NLRC4: variants seen among roughly 807,000 people sequenced by gnomAD.
The protein encoded by NLRC4 is NLR family CARD domain-containing protein 4.
A neutral mutation model predicts 79.9 loss-of-function variants in NLRC4; 63 were observed. The ratio of observed to expected loss-of-function variants is 0.79; its 90% CI spans 0.64 to 0.97. The LOEUF is 0.97. NLRC4 is among the 50% of genes least tolerant of loss of function. The pLI is 0.00. For missense variants in NLRC4, 1,074 were observed against 1,215.2 expected, an observed-to-expected ratio of 0.88 and a Z score of 1.73; for synonymous variants, 461 against 456.5, an observed-to-expected ratio of 1.01 and a Z score of -0.12.
chr2:32,255,573 A>C (rs940214744), intron 2 of NLRC4, among the ~76,000 whole-genome samples: 3 of 151,170 alleles, frequency 2.0e-5, no homozygotes, highest in Admixed American at 6.6e-5. Flanking sequence ...TTAGAGACCC[A>C]CACACACACA....
rs1254673382 is a variant in NLRC4 at position 32,238,208 on chromosome 2, CAG to C, written c.2443_2444del (p.Leu815ValfsTer3). ...GEGMDYIVKSLSSEPCDLEEI... is the reference protein window; with the variant it reads ...GEGMDYIVKSXSSEPCDLEEI... The stretch of plus-strand genomic sequence containing the variant: ...CTTCAAGGTCACAGGGTTCACTTGA[CAG>C]AGACTTGACTATGTAATCCATTCCC... On this transcript the variant is annotated frameshift_variant, in exon 6 of 9. Transcript: ENST00000402280. LOFTEE classifies it high-confidence loss of function. 7 of 1,613,532 alleles carry C rather than the reference CAG, an allele frequency of 4.3e-6. No individual in the cohort carries two copies. Among genetic ancestry groups the C allele is most frequent in the Non-Finnish European group, 5.9e-6 (7 of 1,179,642 alleles).
At chr2:32,234,189 G>T (rs556362544) in intron 8 of NLRC4, among the ~76,000 whole-genome samples, 1 of 152,154 alleles carries the variant, frequency 6.6e-6, no homozygotes, top group South Asian at 2.1e-4. Context: ...AGACCATTCT[G>T]GCTAACACGG....
intron 1 of NLRC4, among the ~76,000 whole-genome samples, chr2:32,264,433 C>CAA (rs1278984114): frequency 9.5e-4 from 58 of 60,880 alleles, no homozygotes; most frequent in Middle Eastern, 9.8e-3. Context: ...GACTCTGTCT[C>CAA]AAAAAAAAAA....
Position 32,224,752 on chromosome 2 carries a change from T to G in NLRC4, c.2796A>C (p.Gly932=). The G allele has an allele frequency of 6.4e-7, 1 of 1,572,624 alleles. No individual in the cohort carries two copies. Among genetic ancestry groups the G allele is most frequent in the Non-Finnish European group, 8.6e-7 (1 of 1,162,146 alleles). ...TEIRILGAFF[G]KNPLKNFQQL... Reference sequence around the variant, plus strand: ...GCTGGAAGTTTTTCAGAGGGTTCTTTCCAAAAAATGCACCTGGGTAAAGAA... The same window carrying G: ...GCTGGAAGTTTTTCAGAGGGTTCTTGCCAAAAAATGCACCTGGGTAAAGAA... Residue 932 remains glycine (G), a synonymous_variant, in exon 9 of 9, where the codon GGA becomes GGC. Coordinates refer to ENST00000402280, the MANE Select transcript of NLRC4 (RefSeq NM_001199138.2).
intron 4 of NLRC4, among the ~76,000 whole-genome samples, chr2:32,247,029 A>T (rs1020633683): frequency 2.6e-5 from 4 of 152,186 alleles, no homozygotes; most frequent in African/African-American, 7.2e-5. Flanking sequence ...AAGTGTTGGA[A>T]TTACAGGTGT....
rs748258843 is a variant in NLRC4 at position 32,249,950 on chromosome 2, C to G, written c.1914G>C (p.Glu638Asp). 2.5e-6 allele frequency: 4 copies of G among 1,614,188 alleles called. No individual in the cohort carries two copies. Among genetic ancestry groups the G allele is most frequent in the East Asian group, 2.2e-5 (1 of 44,886 alleles). Residue 638 changes from glutamate to aspartate, a missense_variant, in exon 4 of 9, where the codon GAG (glutamate) becomes GAC (aspartate). Coordinates refer to ENST00000402280, the MANE Select transcript of NLRC4 (RefSeq NM_001199138.2). ...TGCTGGGAATGTAGGTTTCTGGGGC[C>G]TCTTCCATGTGGATTCCACCTGTGT... Reference protein sequence around the residue: ...AEDTGGIHMEEAPETYIPSRA... With the variant: ...AEDTGGIHMEDAPETYIPSRA...
chr2:32,230,632 C>A (rs938063299), intron 8 of NLRC4, among the ~76,000 whole-genome samples: 1 of 152,132 alleles, frequency 6.6e-6, no homozygotes, highest in African/African-American at 2.4e-5. Context: ...CCACCACACA[C>A]AGCTAATTTT....
chr2:32,236,416 T>G, intron 6 of NLRC4, 77 bp from the exon 7 acceptor site: 1 of 763,968 alleles, frequency 1.3e-6, no homozygotes, highest in African/African-American at 5.5e-5. Flanking sequence ...CTTAGAATAA[T>G]TCTGAGTTTT....
At position 32,254,613 on chromosome 2, in the gene NLRC4, G is replaced by T. The variant is rs1028604735; in HGVS notation, c.2-1934C>A. Among the ~76,000 whole-genome samples, 14 of 95,244 alleles carry T rather than the reference G, an allele frequency of 1.5e-4. No homozygotes were observed. In the East Asian group the frequency reaches 3.3e-3, roughly 22 times the overall value. 62.5% of individuals were successfully genotyped at this position (95,244 alleles called of 152,430 possible). A position where few individuals can be genotyped will look rare whatever the true frequency, so the allele number is the denominator to read the frequency against. ...TTCTTCCTGGGCTAGGCTGCTCCTGGTTTTTTTTTTTTTTTTTTTTTTCAG... is the reference window on the plus strand; with the variant it reads ...TTCTTCCTGGGCTAGGCTGCTCCTGTTTTTTTTTTTTTTTTTTTTTTTCAG... On this transcript the variant is annotated intron_variant, in intron 2 of 8. Coordinates refer to ENST00000402280, the MANE Select transcript of NLRC4 (RefSeq NM_001199138.2).
chr2:32,245,208 G>A (rs1686904357), intron 4 of NLRC4, among the ~76,000 whole-genome samples: 1 of 151,392 alleles, frequency 6.6e-6, no homozygotes, highest in Non-Finnish European at 1.5e-5. Flanking sequence ...CTACTCAGGA[G>A]GCTGAGGTAA....
intron 2 of NLRC4, among the ~76,000 whole-genome samples, chr2:32,255,796 C>T (rs764965211): frequency 6.6e-6 from 1 of 151,988 alleles, no homozygotes; most frequent in Non-Finnish European, 1.5e-5. Context: ...GGGTGGATCA[C>T]GAGGTCAGGA....
At chr2:32,249,529 C>T in intron 4 of NLRC4, 78 bp downstream of exon 4, 1 of 1,107,582 alleles carries the variant, frequency 9.0e-7, no homozygotes, top group Non-Finnish European at 1.3e-6. Context: ...AATAAAGTCT[C>T]CTCTCTCCTT....
chr2:32,236,345 G>GA lies in NLRC4; in HGVS notation c.2522-7dup, dbSNP rs752291931. 32 of 1,551,628 alleles carry GA rather than the reference G, an allele frequency of 2.1e-5. No homozygotes were observed. Among genetic ancestry groups the GA allele is most frequent in the Non-Finnish European group, 2.5e-5 (28 of 1,138,980 alleles). On this transcript the variant is annotated splice_polypyrimidine_tract_variant and splice_region_variant and intron_variant, in intron 6 of 8. Transcript: ENST00000402280. ...CAAATTGTGAAGATTCTGAGCTGGG[G>GA]AAAAAAAGTAATCCAAAATAAAAAG...
rs748008403 is a variant in NLRC4, at chr2:32,256,882, C to G, written c.-107G>C. 1.4e-6 allele frequency: 1 copy of G among 710,478 alleles called. No individual in the cohort carries two copies. 44.0% of individuals were successfully genotyped at this position (710,478 alleles called of 1,614,324 possible). Reference sequence around the variant, plus strand: ...ATATTGTCCTCTTTTTTCTGTAAAACTACTCTTCATTCTGTAAAACAAACA... The same window carrying G: ...ATATTGTCCTCTTTTTTCTGTAAAAGTACTCTTCATTCTGTAAAACAAACA... On this transcript the variant is annotated 5_prime_UTR_variant, in exon 2 of 9. An upstream open reading frame in the 5' UTR loses its in-frame stop. Coordinates refer to ENST00000402280, the MANE Select transcript of NLRC4 (RefSeq NM_001199138.2).
rs1310259683 is a variant in NLRC4 at position 32,251,591 on chromosome 2, A to G, written c.273T>C (p.His91=). The change falls in exon 4 of 9, where the codon CAT becomes CAC. Residue 91 remains histidine, a synonymous_variant. Coordinates refer to ENST00000402280, the MANE Select transcript of NLRC4 (RefSeq NM_001199138.2). The part of the protein sequence containing the change: ...FQDLNGQSLF[H]QTSEGDLDDL... The stretch of plus-strand genomic sequence containing the variant: ...CGTCCAAGTCTCCTTCTGATGTCTG[A>G]TGAAAAAGACCTATTAGAGAAGAGG... 1.9e-6 allele frequency: 3 copies of G among 1,593,418 alleles called. No homozygotes were observed. Among genetic ancestry groups the G allele is most frequent in the Non-Finnish European group, 1.7e-6 (2 of 1,170,524 alleles).
At chr2:32,244,843 A>AGG (rs1457207348) in intron 4 of NLRC4, among the ~76,000 whole-genome samples, 3 of 135,216 alleles carry the variant, frequency 2.2e-5, no homozygotes, top group African/African-American at 5.5e-5. Context: ...GGAGGAGGAG[A>AGG]GGGAGAGAGG....
chr2:32,252,702 A>G (rs369127311), intron 2 of NLRC4, 23 bp from the exon 3 acceptor site: 5 of 1,600,472 alleles, frequency 3.1e-6, no homozygotes, highest in African/African-American at 1.3e-5. Flanking sequence ...GGAGAAATAT[A>G]CATATTTATT....
intron 4 of NLRC4, among the ~76,000 whole-genome samples, chr2:32,247,240 G>A (rs1490025874): frequency 1.3e-5 from 2 of 152,276 alleles, no homozygotes; most frequent in Admixed American, 1.3e-4. Context: ...TGGGTATTGG[G>A]TAGAGATGGG....
chr2:32,244,995 G>A (rs1686898420), intron 4 of NLRC4, among the ~76,000 whole-genome samples: 2 of 151,438 alleles, frequency 1.3e-5, no homozygotes, highest in Non-Finnish European at 2.9e-5. Context: ...AGCGACTTAG[G>A]AGGCTGAGCA....
Sources: gnomAD v4.1 joint callset for allele counts (sites outside exome capture counted in the v4.1 genomes callset) on GRCh38, gnomAD v4.1.1 for gene constraint, MANE v1.5 for transcripts, NCBI Gene and HGNC (gene_info 2026-07-23, HGNC 2026-07-21) for gene names.